The following FAM107B variants were observed in gnomAD, a reference collection of about 807,000 sequenced individuals.
FAM107B encodes the protein protein FAM107B.
Under a neutral mutation model 31.5 loss-of-function variants are expected in FAM107B, and 21 were observed. The observed-to-expected ratio is 0.67, with a 90% CI of 0.47 to 0.96. FAM107B has a LOEUF of 0.96. Ranked by LOEUF, FAM107B falls within the 40% of genes least tolerant of loss-of-function variation. FAM107B has a pLI of 0.00. For synonymous variants in FAM107B, 157 were observed against 141.5 expected (o/e 1.11, Z -0.78); for missense variants, 452 against 377.1 (o/e 1.20, Z -1.64).
chr10:14,728,854 G>C (rs1267532509), intron 1 of FAM107B, among the ~76,000 whole-genome samples: 2 of 152,186 alleles, frequency 1.3e-5, no homozygotes, highest in African/African-American at 2.4e-5. Context: ...ACAAGAGTAG[G>C]CTTTAGATTC....
At chr10:14,620,163 C>T (rs570841826) in intron 2 of FAM107B, among the ~76,000 whole-genome samples, 30 of 151,992 alleles carry the variant, frequency 2.0e-4, no homozygotes, top group East Asian at 1.2e-3. Flanking sequence ...GGACTACAGG[C>T]GCGTGCCACC....
chr10:14,616,623 C>A (rs1032179823), intron 2 of FAM107B, among the ~76,000 whole-genome samples: 1 of 152,182 alleles, frequency 6.6e-6, no homozygotes, highest in Non-Finnish European at 1.5e-5. Context: ...ATGAAAGGCA[C>A]ACTCGAGAGA....
chr10:14,559,357 C>T (rs4748097), intron 2 of FAM107B, among the ~76,000 whole-genome samples: 43,123 of 151,952 alleles, frequency 0.28, 6,394 homozygotes, highest in Middle Eastern at 0.34. Flanking sequence ...TTGCCAGCAC[C>T]GAGGTCTGAG....
intron 1 of FAM107B, among the ~76,000 whole-genome samples, chr10:14,741,781 T>G (rs1045257799): frequency 1.5e-4 from 21 of 137,574 alleles, no homozygotes; most frequent in Non-Finnish European, 2.9e-4. Context: ...AGTGCAGTGG[T>G]GCAATCTCGG....
chr10:14,774,318 C>T lies in FAM107B; in HGVS notation c.346G>A (p.Ala116Thr), dbSNP rs547226960. 1.9e-6 allele frequency: 3 copies of T among 1,614,234 alleles called. No individual in the cohort carries two copies. Among genetic ancestry groups the T allele is most frequent in the Middle Eastern group, 1.6e-4 (1 of 6,062 alleles). Residue 116 changes from alanine to threonine, a missense_variant, in exon 1 of 5, where the codon GCG becomes ACG. By Grantham distance (58) the Ala-to-Thr change is moderately conservative. Transcript: ENST00000181796. ...EDVPGSLDDG[A>T]DCEAVVFHAS... ...TGAAACACCACTGCTTCACAGTCCG[C>T]CCCATCATCCAGGGACCCGGGCACA... is the stretch of plus-strand genomic sequence containing the variant.
intron 1 of FAM107B, among the ~76,000 whole-genome samples, chr10:14,688,656 G>C (rs1855048339): frequency 1.3e-5 from 2 of 152,324 alleles, no homozygotes; most frequent in Admixed American, 1.3e-4. Context: ...AGAAAGCAAA[G>C]AGATGTTACC....
intron 2 of FAM107B, among the ~76,000 whole-genome samples, chr10:14,623,906 C>T (rs923560110): frequency 5.3e-5 from 8 of 152,152 alleles, no homozygotes; most frequent in African/African-American, 1.2e-4. Context: ...ATTTTTCTGT[C>T]GCTCAATGAG....
intron 1 of FAM107B, among the ~76,000 whole-genome samples, chr10:14,718,133 C>T (rs998324029): frequency 6.6e-6 from 1 of 152,130 alleles, no homozygotes; most frequent in African/African-American, 2.4e-5. Context: ...TCGAGACCAG[C>T]CTGGCCAACA....
intron 2 of FAM107B, among the ~76,000 whole-genome samples, chr10:14,605,234 AG>A (rs1275293763): frequency 6.6e-6 from 1 of 152,236 alleles, no homozygotes; most frequent in Non-Finnish European, 1.5e-5. Flanking sequence ...CAAGAAAGAA[AG>A]GGTTTATTCC....
chr10:14,636,738 A>T (rs924046601), intron 2 of FAM107B, among the ~76,000 whole-genome samples: 5 of 152,136 alleles, frequency 3.3e-5, no homozygotes, highest in African/African-American at 1.2e-4. Flanking sequence ...TCAGCCCATA[A>T]TGCATATTGC....
chr10:14,595,359 G>C (rs562172822), intron 2 of FAM107B, among the ~76,000 whole-genome samples: 1 of 149,626 alleles, frequency 6.7e-6, no homozygotes, highest in African/African-American at 2.5e-5. Context: ...GATTGAAAAC[G>C]CAAGACTTGG....
chr10:14,662,894 C>T (rs1473879087), intron 2 of FAM107B, among the ~76,000 whole-genome samples: 2 of 152,124 alleles, frequency 1.3e-5, no homozygotes, highest in African/African-American at 2.4e-5. Flanking sequence ...CGGAGATTAA[C>T]GTTTGAGTCA....
chr10:14,550,752 A>ACCT (rs1340093142), intron 2 of FAM107B, among the ~76,000 whole-genome samples: 1 of 152,226 alleles, frequency 6.6e-6, no homozygotes, highest in African/African-American at 2.4e-5. Context: ...CTCTTATCAC[A>ACCT]AAGGTCAGAA....
chr10:14,553,630 C>T (rs1404322333), intron 2 of FAM107B, among the ~76,000 whole-genome samples: 2 of 152,168 alleles, frequency 1.3e-5, no homozygotes, highest in Non-Finnish European at 1.5e-5. Flanking sequence ...AGGCACTTTT[C>T]ATACTGACCA....
intron 1 of FAM107B, among the ~76,000 whole-genome samples, chr10:14,732,620 T>C (rs2131561767): frequency 6.6e-6 from 1 of 152,112 alleles, no homozygotes; most frequent in Non-Finnish European, 1.5e-5. Context: ...ATATTCTATA[T>C]TGTAATTGAC....
At chr10:14,603,872 C>T (rs1186546776) in intron 2 of FAM107B, among the ~76,000 whole-genome samples, 1 of 151,412 alleles carries the variant, frequency 6.6e-6, no homozygotes, top group Admixed American at 6.6e-5. Context: ...GCGCCGAGGG[C>T]GGGCATACGG....
intron 2 of FAM107B, among the ~76,000 whole-genome samples, chr10:14,573,567 T>C (rs6602742): frequency 0.81 from 115,288 of 143,024 alleles, 46,731 homozygotes; most frequent in East Asian, 0.88. Flanking sequence ...CCCATCTCTA[T>C]TAAAAATACA....
At chr10:14,685,434 G>GA (rs1433525255) in intron 1 of FAM107B, among the ~76,000 whole-genome samples, 2 of 152,268 alleles carry the variant, frequency 1.3e-5, no homozygotes, top group Admixed American at 1.3e-4. Context: ...ATTATAGTGT[G>GA]AGCCACTGCA....
chr10:14,636,848 T>C (rs1853512120), intron 2 of FAM107B, among the ~76,000 whole-genome samples: 1 of 152,178 alleles, frequency 6.6e-6, no homozygotes, highest in Admixed American at 6.5e-5. Flanking sequence ...TAATTTGGAA[T>C]TGCTTGAGTT....
Sources: allele counts gnomAD v4.1 joint callset (sites outside exome capture counted in the v4.1 genomes callset), GRCh38; gene constraint gnomAD v4.1.1; transcripts MANE v1.5; gene names NCBI Gene and HGNC (gene_info 2026-07-23, HGNC 2026-07-21).